CHSY3: variants seen among roughly 807,000 people sequenced by gnomAD.
CHSY3 encodes the protein N-acetylgalactosaminyl-proteoglycan 3-beta-glucuronosyltransferase 3.
CHSY3 carries 35 observed loss-of-function variants against 67.2 expected under a neutral mutation model. The ratio of observed to expected loss-of-function variants is 0.52; its 90% confidence interval spans 0.40 to 0.69. The LOEUF (loss-of-function observed/expected upper bound fraction) is 0.69. Among genes scored for constraint, CHSY3 ranks in the 30% least tolerant of loss-of-function variants. The pLI, the probability that CHSY3 is intolerant of heterozygous loss-of-function variation, is 0.00. For synonymous variants in CHSY3, 474 were observed against 434.7 expected (o/e 1.09, Z -1.12); for missense variants, 1,069 against 1,138.5 (o/e 0.94, Z 0.88).
chr5:130,115,817 G>A (rs80035821), intron 2 of CHSY3, among the ~76,000 whole-genome samples: 1,641 of 152,282 alleles, frequency 0.011, 21 homozygotes, highest in African/African-American at 0.036. Flanking sequence ...GACACTTACA[G>A]CAGAGCTTTT....
intron 2 of CHSY3, among the ~76,000 whole-genome samples, chr5:129,972,637 T>C (rs1762677018): frequency 6.6e-6 from 1 of 151,674 alleles, no homozygotes; most frequent in Non-Finnish European, 1.5e-5. Flanking sequence ...GTGGTCTGTG[T>C]GTGTCTTCAT....
chr5:129,959,271 C>A (rs1467376352), intron 2 of CHSY3, among the ~76,000 whole-genome samples: 1 of 151,900 alleles, frequency 6.6e-6, no homozygotes, highest in East Asian at 1.9e-4. Context: ...GAGAGATGAT[C>A]TCATCATCAT....
intron 2 of CHSY3, among the ~76,000 whole-genome samples, chr5:129,913,549 T>C (rs555444778): frequency 6.6e-6 from 1 of 152,304 alleles, no homozygotes; most frequent in Admixed American, 6.5e-5. Context: ...TTAGCAGAAC[T>C]GAAAGTTTTG....
intron 2 of CHSY3, among the ~76,000 whole-genome samples, chr5:130,132,704 C>T (rs534975122): frequency 1.3e-5 from 2 of 152,276 alleles, no homozygotes; most frequent in South Asian, 2.1e-4. Flanking sequence ...CCAGGAGATA[C>T]TTAGCAATGT....
At chr5:129,907,848 T>C (rs910125512) in intron 1 of CHSY3, among the ~76,000 whole-genome samples, 3 of 152,152 alleles carry the variant, frequency 2.0e-5, no homozygotes, top group Non-Finnish European at 4.4e-5. Flanking sequence ...GCTGTTAAGG[T>C]TTTTCAGTGA....
At chr5:130,163,762 A>G (rs960616609) in intron 2 of CHSY3, among the ~76,000 whole-genome samples, 4 of 152,090 alleles carry the variant, frequency 2.6e-5, no homozygotes, top group Non-Finnish European at 5.9e-5. Flanking sequence ...GCTAACTAAC[A>G]TATAAATGTC....
intron 2 of CHSY3, among the ~76,000 whole-genome samples, chr5:130,160,887 A>AT (rs1769513309): frequency 2.2e-5 from 3 of 136,618 alleles, no homozygotes; most frequent in Non-Finnish European, 3.0e-5. Context: ...ATTTTTATTT[A>AT]TTTATTTATT....
chr5:130,013,056 A>G (rs759780286), intron 2 of CHSY3, among the ~76,000 whole-genome samples: 8 of 152,106 alleles, frequency 5.3e-5, no homozygotes, highest in Admixed American at 6.6e-5. Flanking sequence ...CAAAGGGGCT[A>G]CTGGACCCAT....
intron 2 of CHSY3, among the ~76,000 whole-genome samples, chr5:130,096,229 A>G (rs940399867): frequency 3.9e-5 from 6 of 152,096 alleles, no homozygotes; most frequent in South Asian, 4.1e-4. Flanking sequence ...CTGGAGTGCA[A>G]TGGCGCAGCC....
chr5:130,064,699 A>G (rs1765826517), intron 2 of CHSY3, among the ~76,000 whole-genome samples: 1 of 152,166 alleles, frequency 6.6e-6, no homozygotes, highest in Non-Finnish European at 1.5e-5. Flanking sequence ...GAGAATTCTC[A>G]AGAGCAAGGG....
At chr5:130,128,436 C>T (rs1158926434) in intron 2 of CHSY3, among the ~76,000 whole-genome samples, 1 of 151,904 alleles carries the variant, frequency 6.6e-6, no homozygotes, top group Non-Finnish European at 1.5e-5. Flanking sequence ...AAAATAAACA[C>T]CTAGTGATCC....
intron 1 of CHSY3, chr5:129,905,854 A>C: frequency 3.2e-6 from 3 of 939,010 alleles, no homozygotes; most frequent in South Asian, 2.5e-5. Context: ...GCCTGGCTTT[A>C]TTCGCCTTCC....
At position 129,904,895 on chromosome 5, in the gene CHSY3, C is replaced by T; in HGVS notation, c.66C>T (p.Ala22=). 3 of 1,525,668 alleles carry T rather than the reference C, an allele frequency of 2.0e-6. No homozygotes were observed. The highest frequency in any genetic ancestry group is 2.6e-6 in the Non-Finnish European group (3 of 1,137,376). 94.5% of individuals were successfully genotyped at this position (1,525,668 alleles called of 1,614,324 possible). A position where few individuals can be genotyped will look rare whatever the true frequency, so the allele number is the denominator to read the frequency against. ...TAGGGCTGGTGCTGGGCTTCACCGCCGCGTCCTGGCTCATCGCCCCCAGGG... is the reference window on the plus strand; with the variant it reads ...TAGGGCTGGTGCTGGGCTTCACCGCTGCGTCCTGGCTCATCGCCCCCAGGG... ...VALGLVLGFT[A]ASWLIAPRVA... is the part of the protein sequence containing the mutation. Residue 22 remains alanine (A), a synonymous_variant, in exon 1 of 3, where the codon GCC becomes GCT. Transcript: ENST00000305031.
chr5:130,112,441 T>G (rs967188867), intron 2 of CHSY3, among the ~76,000 whole-genome samples: 4 of 152,050 alleles, frequency 2.6e-5, no homozygotes, highest in African/African-American at 9.7e-5. Context: ...GCCCGAGAAT[T>G]TGCATTTCTA....
intron 2 of CHSY3, among the ~76,000 whole-genome samples, chr5:129,919,100 C>T (rs1443097079): frequency 1.1e-5 from 1 of 89,806 alleles, no homozygotes; most frequent in South Asian, 4.5e-4. Flanking sequence ...GGCGACAGAG[C>T]GAGACTCCGT....
Position 130,016,433 on chromosome 5 carries a change from C to T in CHSY3, c.1086+108073C>T, listed in dbSNP as rs930729389. On this transcript the variant is annotated intron_variant, in intron 2 of 2. Coordinates refer to ENST00000305031, the MANE Select transcript of CHSY3 (RefSeq NM_175856.5). ...TTTATTTTATTATTATTTTTTGAGA[C>T]GAAGTCTCGCTCTTGTCCCTCAGGC... Among the ~76,000 whole-genome samples, 17 of 152,202 alleles carry T rather than the reference C, an allele frequency of 1.1e-4. 1 individual carries two copies. The highest frequency in any genetic ancestry group is 3.9e-4 in the East Asian group (2 of 5,170).
At chr5:130,008,783 G>A (rs1245213701) in intron 2 of CHSY3, among the ~76,000 whole-genome samples, 1 of 152,156 alleles carries the variant, frequency 6.6e-6, no homozygotes, top group African/African-American at 2.4e-5. Flanking sequence ...TGATCTAATA[G>A]AGGTGAAAAA....
At chr5:130,045,469 GGGGA>G (rs1765119662) in intron 2 of CHSY3, among the ~76,000 whole-genome samples, 1 of 152,044 alleles carries the variant, frequency 6.6e-6, no homozygotes, top group Non-Finnish European at 1.5e-5. Context: ...AGAACGCACA[GGGGA>G]TGAAAGTCTG....
intron 2 of CHSY3, among the ~76,000 whole-genome samples, chr5:130,170,771 T>C (rs1769875056): frequency 6.6e-6 from 1 of 152,152 alleles, no homozygotes; most frequent in African/African-American, 2.4e-5. Context: ...GTTTGTTGGC[T>C]GTTTGTATTT....
Sources: gnomAD v4.1 joint callset for allele counts (sites outside exome capture counted in the v4.1 genomes callset) on GRCh38, gnomAD v4.1.1 for gene constraint, MANE v1.5 for transcripts, NCBI Gene and HGNC (gene_info 2026-07-23, HGNC 2026-07-21) for gene names.